The following DPH7 variants were observed in gnomAD, a reference collection of about 807,000 sequenced individuals.
The protein encoded by DPH7 is diphthine methyltransferase.
Under a neutral mutation model 41.7 loss-of-function variants are expected in DPH7, and 44 were observed. The observed-to-expected ratio is 1.05, with a 90% CI of 0.83 to 1.36. DPH7 has a LOEUF of 1.36. DPH7 is among the 40% of genes most tolerant of loss of function. DPH7 has a pLI of 0.00. For synonymous variants in DPH7, 275 were observed against 238.0 expected (o/e 1.16, Z -1.43); for missense variants, 629 against 577.5 (o/e 1.09, Z -0.91).
In DPH7 at chr9:137,555,212, G is replaced by A. The variant is rs766334492; in HGVS notation, c.*27C>T. 11 of 1,560,540 alleles carry A rather than the reference G, an allele frequency of 7.0e-6. No individual in the cohort carries two copies. In the South Asian group the frequency reaches 1.1e-4, roughly 16 times the overall value. On this transcript the variant is annotated 3_prime_UTR_variant, in exon 9 of 9. Transcript: ENST00000277540. ...TCGCAGTCTCCCTCCTGGTTTCCTT[G>A]TGGGAAGGGGCTTCATGATTTCAAG...
chr9:137,563,145 A>C (rs1345184462), intron 8 of DPH7, among the ~76,000 whole-genome samples: 1 of 151,960 alleles, frequency 6.6e-6, no homozygotes, highest in Non-Finnish European at 1.5e-5. Flanking sequence ...ACACCATCTC[A>C]AAACAAAACA....
At chr9:137,571,124 C>T (rs1387407377) in intron 5 of DPH7, among the ~76,000 whole-genome samples, 2 of 152,084 alleles carry the variant, frequency 1.3e-5, no homozygotes, top group Non-Finnish European at 2.9e-5. Flanking sequence ...CGCCATTGCA[C>T]TCCAGCTTGG....
In DPH7 at chr9:137,555,541, A is replaced by T; in HGVS notation, c.1057T>A (p.Ser353Thr). The change falls in exon 9 of 9, where the codon TCG becomes ACG. Residue 353 changes from serine to threonine, a missense_variant. Ser to Thr is a moderately conservative substitution (Grantham distance 58, BLOSUM62 1). Transcript: ENST00000277540. ...CCTAGGTTGCTAGGAAAGGACCACG[A>T]GGGGGCCCGCTGCAGAGAACGGAAG... The part of the protein sequence containing the change: ...LLFRSLQRAP[S>T]WSFPSNLGTK... 1 of 1,613,982 alleles carries T rather than the reference A, an allele frequency of 6.2e-7. No individual in the cohort carries two copies. The highest frequency in any genetic ancestry group is 1.3e-5 in the African/African-American group (1 of 75,024).
intron 3 of DPH7, 127 bp from the exon 4 acceptor site, chr9:137,574,970 C>T: frequency 1.3e-6 from 2 of 1,484,138 alleles, no homozygotes; most frequent in Non-Finnish European, 1.8e-6. Flanking sequence ...GTACATCAGT[C>T]ACTGAGTCAC....
intron 5 of DPH7, among the ~76,000 whole-genome samples, chr9:137,569,588 CGTCT>C (rs1233118584): frequency 2.9e-5 from 4 of 138,692 alleles, no homozygotes; most frequent in Admixed American, 2.2e-4. Flanking sequence ...ATCCACCCCC[CGTCT>C]ATCAAGCCAG....
intron 5 of DPH7, among the ~76,000 whole-genome samples, chr9:137,572,762 CA>C (rs1840661373): frequency 6.6e-6 from 1 of 152,220 alleles, no homozygotes; most frequent in Non-Finnish European, 1.5e-5. Flanking sequence ...GCCCCAAATG[CA>C]AACCATTCAC....
At chr9:137,564,838 C>T (rs1176631312) in intron 7 of DPH7, 55 bp downstream of exon 7, 2 of 1,550,780 alleles carry the variant, frequency 1.3e-6, no homozygotes, top group Non-Finnish European at 8.7e-7. Context: ...GCCCAGGAGC[C>T]CCCCGGGGAC....
intron 5 of DPH7, among the ~76,000 whole-genome samples, chr9:137,569,123 G>A (rs1246575161): frequency 6.6e-6 from 1 of 152,024 alleles, no homozygotes; most frequent in Non-Finnish European, 1.5e-5. Flanking sequence ...CCTGAAGGAA[G>A]GGAAGCTCAA....
At chr9:137,563,968 G>A (rs1490167565) in intron 8 of DPH7, among the ~76,000 whole-genome samples, 1 of 152,194 alleles carries the variant, frequency 6.6e-6, no homozygotes, top group Non-Finnish European at 1.5e-5. Context: ...AGAATCAGAG[G>A]TGCTTGTTCC....
chr9:137,568,690 T>C (rs548344267), intron 5 of DPH7, among the ~76,000 whole-genome samples: 38 of 152,284 alleles, frequency 2.5e-4, no homozygotes, highest in Admixed American at 1.9e-3. Flanking sequence ...CACTGTGCCT[T>C]GACTCTCTAG....
At position 137,555,346 on chromosome 9, in the gene DPH7, G is replaced by A. The variant is rs1193982064; in HGVS notation, c.1252C>T (p.Arg418Cys). 21 of 1,614,088 alleles carry A rather than the reference G, an allele frequency of 1.3e-5. No individual in the cohort carries two copies. The highest frequency in any genetic ancestry group is 1.0e-4 in the Admixed American group (6 of 60,016). ...TCTTCTGGGTTCACGCCACAGTCAC[G>A]TGTGGTGGCTGCTGTAGCCTGCAGC... Reference protein sequence around the residue: ...TWLQATAATTRDCGVNPEEAD... With the variant: ...TWLQATAATTCDCGVNPEEAD... Residue 418 changes from arginine to cysteine, a missense_variant, in exon 9 of 9, where the codon CGT becomes TGT. By Grantham distance (180) the Arg-to-Cys change is radical. Transcript: ENST00000277540.
chr9:137,560,512 A>G (rs1800621731), intron 8 of DPH7, among the ~76,000 whole-genome samples: 1 of 152,096 alleles, frequency 6.6e-6, no homozygotes. Context: ...CAAAGTCAGG[A>G]GATCAAGACC....
At chr9:137,574,065 A>G (rs1840952198) in intron 5 of DPH7, 143 bp downstream of exon 5, 1 of 694,732 alleles carries the variant, frequency 1.4e-6, no homozygotes, top group Admixed American at 2.9e-5. Context: ...ACTCAGTTTC[A>G]AAAAAAAAAG....
intron 8 of DPH7, 58 bp from the exon 9 acceptor site, chr9:137,555,706 A>C (rs951040575): frequency 4.7e-6 from 7 of 1,503,750 alleles, no homozygotes; most frequent in Admixed American, 2.2e-5. Flanking sequence ...CCTCTCCCCA[A>C]CCTGTCACAC....
intron 8 of DPH7, among the ~76,000 whole-genome samples, chr9:137,564,105 A>G (rs958341788): frequency 6.6e-5 from 10 of 152,150 alleles, no homozygotes; most frequent in Admixed American, 1.3e-4. Context: ...ATGGGAGAGC[A>G]CAGACAAGGA....
intron 8 of DPH7, among the ~76,000 whole-genome samples, chr9:137,558,978 A>C (rs1362858672): frequency 6.6e-6 from 1 of 152,090 alleles, no homozygotes; most frequent in Non-Finnish European, 1.5e-5. Flanking sequence ...AATACCACTA[A>C]ATTGTGGGCG....
In DPH7 at chr9:137,557,754, G is replaced by A. The variant is rs192786133; in HGVS notation, c.950-2106C>T. Among the ~76,000 whole-genome samples, 28 of 151,572 alleles carry A rather than the reference G, an allele frequency of 1.8e-4. No individual in the cohort carries two copies. In the East Asian group the frequency reaches 3.1e-3, roughly 17 times the overall value. On this transcript the variant is annotated intron_variant, in intron 8 of 8. Transcript: ENST00000277540. Reference sequence around the variant, plus strand: ...GAATCCCCTGAACCTGTGAGGTGGAGGTTGCAGTAAGCTGAGATCACCCCA... The same window carrying A: ...GAATCCCCTGAACCTGTGAGGTGGAAGTTGCAGTAAGCTGAGATCACCCCA...
intron 8 of DPH7, among the ~76,000 whole-genome samples, chr9:137,559,262 G>A (rs1322043893): frequency 6.6e-6 from 1 of 152,234 alleles, no homozygotes; most frequent in East Asian, 1.9e-4. Flanking sequence ...CGAGCCTTCT[G>A]TTATGCCTGG....
chr9:137,571,528 G>A (rs1395972451), intron 5 of DPH7, among the ~76,000 whole-genome samples: 3 of 152,010 alleles, frequency 2.0e-5, no homozygotes, highest in East Asian at 3.9e-4. Context: ...AGTGGCTGAC[G>A]CCTATAATCC....
Sources: allele counts gnomAD v4.1 joint callset (sites outside exome capture counted in the v4.1 genomes callset), GRCh38; gene constraint gnomAD v4.1.1; transcripts MANE v1.5; gene names NCBI Gene and HGNC (gene_info 2026-07-23, HGNC 2026-07-21).